The following RBM33 variants were observed in gnomAD, a reference collection of about 807,000 sequenced individuals.
RBM33 encodes the protein RNA binding motif protein 33.
In RBM33, 28 loss-of-function variants were observed where a neutral mutation model predicts 132.6. The ratio of observed to expected loss-of-function variants is 0.21; its 90% CI spans 0.16 to 0.29. The LOEUF (loss-of-function observed/expected upper bound fraction) is 0.29, where lower values mean the gene tolerates loss of function less well. RBM33 is among the 10% of genes least tolerant of loss of function. The pLI is 1.00. For synonymous variants in RBM33, 634 were observed against 593.0 expected (o/e 1.07, Z -1.01); for missense variants, 1,291 against 1,518.5 (o/e 0.85, Z 2.49).
chr7:155,711,499 C>A, intron 8 of RBM33, 44 bp downstream of exon 8: 1 of 1,264,550 alleles, frequency 7.9e-7, no homozygotes, highest in Non-Finnish European at 1.0e-6. Context: ...ATGGCCCCAG[C>A]TTCCAATGGT....
Position 155,737,642 on chromosome 7 carries a change from G to A in RBM33, c.1373G>A (p.Arg458Gln), listed in dbSNP as rs748171920. The A allele has an allele frequency of 2.5e-6, 4 of 1,590,774 alleles. No homozygotes were observed. Among genetic ancestry groups the A allele is most frequent in the Non-Finnish European group, 8.5e-7 (1 of 1,172,066 alleles). Residue 458 changes from arginine to glutamine, a missense_variant, in exon 10 of 18, where the codon CGA becomes CAA. Physicochemically the swap from Arg to Gln is conservative, Grantham distance 43. Around this residue, in one of 7 missense-constraint regions of RBM33, gnomAD observed 841 missense variants for 912.0 expected, o/e 0.92. Coordinates refer to ENST00000401878, the MANE Select transcript of RBM33 (RefSeq NM_053043.3). ...AGAGCCCCACCCCCGCCTCAGGATC[G>A]AGACCCTTTCTTCTTAGGAGGTACA... ...QWRAPPPPQD[R>Q]DPFFLGVSGE...
intron 13 of RBM33, among the ~76,000 whole-genome samples, chr7:155,743,116 C>T (rs1027513338): frequency 6.6e-6 from 1 of 151,966 alleles, no homozygotes; most frequent in Admixed American, 6.6e-5. Flanking sequence ...TATTGTTTAC[C>T]AAATTGGAAG....
At chr7:155,645,101 C>T in intron 1 of RBM33, 182 bp downstream of exon 1, 2 of 515,852 alleles carry the variant, frequency 3.9e-6, no homozygotes, top group Non-Finnish European at 3.4e-6. Context: ...CTTTCTCGCT[C>T]CTCCTCTCCG....
rs1270804538 is a variant in RBM33, at chr7:155,651,568, ACT to A, written c.43+6652_43+6653del. On this transcript the variant is annotated intron_variant, in intron 1 of 17. Transcript: ENST00000401878. ...GCACTCCAGCCTGGGCAACAGGGAA[ACT>A]CTTTGTCTCACCAAAAAAAAAAAAA... 8.6e-5 allele frequency among the ~76,000 whole-genome samples: 11 copies of A among 127,238 alleles called. No homozygotes were observed. The East Asian group carries it at 2.6e-3, about 30-fold the overall frequency. The allele number at this position is 127,238 out of a possible 152,430, so 83.5% of individuals were successfully genotyped here.
At chr7:155,685,159 C>A in intron 5 of RBM33, 1 of 1,164,934 alleles carries the variant, frequency 8.6e-7, no homozygotes, top group Non-Finnish European at 1.2e-6. Flanking sequence ...TATCTTTGAA[C>A]TGTGAGTGTA....
At chr7:155,764,870 A>T (rs968809978) in intron 15 of RBM33, among the ~76,000 whole-genome samples, 2 of 152,268 alleles carry the variant, frequency 1.3e-5, no homozygotes, top group Non-Finnish European at 2.9e-5. Flanking sequence ...CTTTTGAAGT[A>T]CTTAAGTTAC....
chr7:155,695,906 A>G (rs1799781016), intron 5 of RBM33, among the ~76,000 whole-genome samples: 1 of 152,102 alleles, frequency 6.6e-6, no homozygotes, highest in Non-Finnish European at 1.5e-5. Flanking sequence ...ATTTTAGTTA[A>G]GATTATGATC....
chr7:155,756,714 C>G (rs1468472066), intron 14 of RBM33, among the ~76,000 whole-genome samples: 1 of 152,052 alleles, frequency 6.6e-6, no homozygotes, highest in Non-Finnish European at 1.5e-5. Flanking sequence ...TGTGTGCCGC[C>G]CGTGAGTTGG....
intron 5 of RBM33, among the ~76,000 whole-genome samples, chr7:155,695,609 A>G (rs552232798): frequency 1.3e-5 from 2 of 152,040 alleles, no homozygotes; most frequent in Admixed American, 1.3e-4. Context: ...ACAGGCACGT[A>G]CCACCACACC....
chr7:155,671,404 A>G (rs961983806), intron 2 of RBM33, among the ~76,000 whole-genome samples: 1 of 152,132 alleles, frequency 6.6e-6, no homozygotes, highest in African/African-American at 2.4e-5. Flanking sequence ...TGTTTTCTTT[A>G]TCTGTAAAAT....
intron 1 of RBM33, among the ~76,000 whole-genome samples, chr7:155,658,234 A>T (rs1798544511): frequency 6.6e-6 from 1 of 151,936 alleles, no homozygotes. Flanking sequence ...ACAATTTTGG[A>T]TTTAAAAATA....
At chr7:155,713,642 G>A (rs13231251) in intron 8 of RBM33, among the ~76,000 whole-genome samples, 42,132 of 151,794 alleles carry the variant, frequency 0.28, 6,848 homozygotes, top group African/African-American at 0.45. Flanking sequence ...AGGAGGCACA[G>A]GCCTGGCTGA....
At chr7:155,655,341 T>G (rs1169941810) in intron 1 of RBM33, among the ~76,000 whole-genome samples, 1 of 152,132 alleles carries the variant, frequency 6.6e-6, no homozygotes, top group Non-Finnish European at 1.5e-5. Flanking sequence ...TGCTCTGGCT[T>G]TTTTTTGTTG....
At chr7:155,764,122 AC>A in intron 15 of RBM33, 104 bp downstream of exon 15, 1 of 862,126 alleles carries the variant, frequency 1.2e-6, no homozygotes, top group Non-Finnish European at 1.7e-6. Flanking sequence ...AGTAGTACTC[AC>A]ATTCATAAGT....
chr7:155,658,171 A>G (rs1798542608), intron 1 of RBM33, among the ~76,000 whole-genome samples: 1 of 152,154 alleles, frequency 6.6e-6, no homozygotes, highest in South Asian at 2.1e-4. Context: ...TATAATTGTT[A>G]TATCTTGATG....
chr7:155,690,644 C>G (rs1456712357), intron 5 of RBM33, among the ~76,000 whole-genome samples: 1 of 152,130 alleles, frequency 6.6e-6, no homozygotes, highest in African/African-American at 2.4e-5. Context: ...TCTTCAGGAA[C>G]TCTTGTAGGG....
At chr7:155,724,193 G>A (rs1328542444) in intron 9 of RBM33, among the ~76,000 whole-genome samples, 4 of 151,886 alleles carry the variant, frequency 2.6e-5, no homozygotes, top group Non-Finnish European at 2.9e-5. Context: ...CTGTGGTTCT[G>A]TTTAGGTGCA....
Position 155,740,015 on chromosome 7 carries a change from G to C in RBM33, c.2038G>C (p.Gly680Arg), listed in dbSNP as rs1315408461. Residue 680 changes from glycine to arginine, a missense_variant, in exon 12 of 18, where the codon GGG becomes CGG. Coordinates refer to ENST00000401878, the MANE Select transcript of RBM33 (RefSeq NM_053043.3). ...SSRMQCPQRQGLRHNTTSQNV... is the reference protein window; with the variant it reads ...SSRMQCPQRQRLRHNTTSQNV... Reference sequence around the variant, plus strand: ...CCGGATGCAGTGCCCCCAGCGCCAGGGGCTCCGGCATGTAAGTGTCAAGGG... The same window carrying C: ...CCGGATGCAGTGCCCCCAGCGCCAGCGGCTCCGGCATGTAAGTGTCAAGGG... 1.9e-6 allele frequency: 3 copies of C among 1,548,824 alleles called. No individual in the cohort carries two copies. Among genetic ancestry groups the C allele is most frequent in the African/African-American group, 1.4e-5 (1 of 73,752 alleles).
intron 1 of RBM33, among the ~76,000 whole-genome samples, chr7:155,653,308 C>G (rs747845292): frequency 1.3e-5 from 2 of 152,136 alleles, no homozygotes; most frequent in African/African-American, 4.8e-5. Context: ...TGCATAGATT[C>G]TATTTCTAAA....
Sources: gnomAD v4.1 joint callset for allele counts (sites outside exome capture counted in the v4.1 genomes callset) on GRCh38, gnomAD v4.1.1 for gene constraint, gnomAD v4.1.1 regional missense constraint, MANE v1.5 for transcripts, NCBI Gene and HGNC (gene_info 2026-07-23, HGNC 2026-07-21) for gene names.